EAF2: variants seen among roughly 807,000 people sequenced by gnomAD.
EAF2 encodes ELL associated factor 2.
Under a neutral mutation model 29.4 loss-of-function variants are expected in EAF2, and 29 were observed. That is an observed-to-expected ratio of 0.99 (90% CI 0.73 to 1.35). EAF2 has a LOEUF of 1.35. Among genes scored for constraint, EAF2 ranks in the 40% most tolerant of loss-of-function variants. The probability of loss-of-function intolerance (pLI) is 0.00; values close to 1 mark genes in which losing one functional copy is unlikely to be tolerated. For missense variants in EAF2, 292 were observed against 312.0 expected (o/e 0.94, Z 0.48); for synonymous variants, 103 against 102.5 (o/e 1.00, Z -0.03).
chr3:121,843,972 G>A (rs1442575146), intron 1 of EAF2, among the ~76,000 whole-genome samples: 1 of 152,054 alleles, frequency 6.6e-6, no homozygotes, highest in Non-Finnish European at 1.5e-5. Context: ...TAGAATGACA[G>A]ACAAGTGGTA....
chr3:121,863,678 G>A (rs750921401), intron 4 of EAF2, among the ~76,000 whole-genome samples: 5 of 152,084 alleles, frequency 3.3e-5, no homozygotes, highest in Non-Finnish European at 5.9e-5. Context: ...CCCTGCTTCA[G>A]CTCACACTCT....
chr3:121,849,190 G>A (rs9862127), intron 2 of EAF2, among the ~76,000 whole-genome samples: 2 of 151,942 alleles, frequency 1.3e-5, no homozygotes, highest in Non-Finnish European at 2.9e-5. Flanking sequence ...TGGTATAACT[G>A]CCTAGGAAGC....
At chr3:121,844,360 G>A in intron 1 of EAF2, 93 bp from the exon 2 acceptor site, 1 of 784,092 alleles carries the variant, frequency 1.3e-6, no homozygotes. Context: ...CAAAGCTCTT[G>A]AAAAATGATT....
intron 1 of EAF2, among the ~76,000 whole-genome samples, chr3:121,842,452 G>T (rs1269760101): frequency 6.6e-6 from 1 of 151,990 alleles, no homozygotes; most frequent in South Asian, 2.1e-4. Context: ...TTCTAACTGG[G>T]TTTTGCAGTT....
chr3:121,838,950 T>C (rs1308458711), intron 1 of EAF2, among the ~76,000 whole-genome samples: 1 of 152,232 alleles, frequency 6.6e-6, no homozygotes, highest in African/African-American at 2.4e-5. Flanking sequence ...CTTCATCATT[T>C]ATTGACTTCA....
chr3:121,873,571 A>T (rs555868002), intron 5 of EAF2, among the ~76,000 whole-genome samples: 4 of 151,818 alleles, frequency 2.6e-5, no homozygotes, highest in African/African-American at 7.2e-5. Flanking sequence ...CACTGTAGCC[A>T]TATTGATTTT....
At chr3:121,843,632 C>T (rs563499732) in intron 1 of EAF2, among the ~76,000 whole-genome samples, 7 of 152,124 alleles carry the variant, frequency 4.6e-5, no homozygotes, top group African/African-American at 1.2e-4. Flanking sequence ...GATGTATATT[C>T]GTATGAATTA....
At chr3:121,848,301 A>T (rs1196595946) in intron 2 of EAF2, among the ~76,000 whole-genome samples, 1 of 152,184 alleles carries the variant, frequency 6.6e-6, no homozygotes, top group Non-Finnish European at 1.5e-5. Flanking sequence ...CCATATTTAC[A>T]TTTTGATAGC....
chr3:121,835,348 G>C lies in EAF2; in HGVS notation c.63G>C (p.Glu21Asp). Residue 21 changes from glutamate to aspartate, a missense_variant, in exon 1 of 6, where the codon GAG (glutamate) becomes GAC (aspartate). By Grantham distance (45) the Glu-to-Asp change is conservative. Transcript: ENST00000273668. ...GCGAGCGGGTTCTCAAGTTAGGGGAGAGTTTCGAGAAGCAGCCGCGCTGCG... is the reference window on the plus strand; with the variant it reads ...GCGAGCGGGTTCTCAAGTTAGGGGACAGTTTCGAGAAGCAGCCGCGCTGCG... ...DRRERVLKLG[E>D]SFEKQPRCAF... 1 of 1,614,180 alleles carries C rather than the reference G, an allele frequency of 6.2e-7. No homozygotes were observed. The highest frequency in any genetic ancestry group is 1.3e-5 in the African/African-American group (1 of 75,050).
At chr3:121,840,504 AAAAAG>A (rs1434216275) in intron 1 of EAF2, among the ~76,000 whole-genome samples, 2,169 of 76,010 alleles carry the variant, frequency 0.029, 243 homozygotes, top group African/African-American at 0.087. Context: ...AAAAAAAAAA[AAAAAG>A]AAAAAAAAAA....
At chr3:121,839,734 T>G (rs890670630) in intron 1 of EAF2, among the ~76,000 whole-genome samples, 1 of 152,194 alleles carries the variant, frequency 6.6e-6, no homozygotes, top group African/African-American at 2.4e-5. Flanking sequence ...AAAATAAGTT[T>G]AGAAGTGATT....
At chr3:121,882,743 C>T (rs543324942) in intron 5 of EAF2, among the ~76,000 whole-genome samples, 36 of 149,998 alleles carry the variant, frequency 2.4e-4, no homozygotes, top group Non-Finnish European at 4.7e-4. Flanking sequence ...AAGTAAAGTC[C>T]GTAGTGTTTT....
At chr3:121,852,857 C>T (rs1234495056) in intron 2 of EAF2, among the ~76,000 whole-genome samples, 1 of 151,978 alleles carries the variant, frequency 6.6e-6, no homozygotes, top group Admixed American at 6.5e-5. Context: ...CAAACATACA[C>T]AAATAATTGT....
At chr3:121,863,577 C>T (rs768792593) in intron 4 of EAF2, among the ~76,000 whole-genome samples, 11 of 152,234 alleles carry the variant, frequency 7.2e-5, no homozygotes, top group South Asian at 6.2e-4. Flanking sequence ...GGGAGTGTCA[C>T]GATTTTCCAG....
rs1709285858 is a variant in EAF2, at chr3:121,886,413, A to G, written c.*25A>G. On this transcript the variant is annotated 3_prime_UTR_variant, in exon 6 of 6. Coordinates refer to ENST00000273668, the MANE Select transcript of EAF2 (RefSeq NM_018456.6). ...AAGAAATATTTAGCTATAAATAAAA[A>G]TTTATACAGCATGTATAATTTATTT... is the stretch of plus-strand genomic sequence containing the variant. 1 of 1,349,098 alleles carries G rather than the reference A, an allele frequency of 7.4e-7. No homozygotes were observed. The highest frequency in any genetic ancestry group is 9.9e-7 in the Non-Finnish European group (1 of 1,009,182). 83.6% of individuals were successfully genotyped at this position (1,349,098 alleles called of 1,614,324 possible). A position where few individuals can be genotyped will look rare whatever the true frequency, so the allele number is the denominator to read the frequency against.
chr3:121,845,457 A>G (rs1388804517), intron 2 of EAF2, among the ~76,000 whole-genome samples: 4 of 148,186 alleles, frequency 2.7e-5, no homozygotes, highest in Non-Finnish European at 4.5e-5. Flanking sequence ...AAAAAAAAAA[A>G]AAAAAGAAAG....
intron 4 of EAF2, among the ~76,000 whole-genome samples, chr3:121,863,575 C>T (rs1031249032): frequency 6.6e-6 from 1 of 152,152 alleles, no homozygotes; most frequent in Admixed American, 6.5e-5. Flanking sequence ...GTGGGAGTGT[C>T]ACGATTTTCC....
intron 1 of EAF2, among the ~76,000 whole-genome samples, chr3:121,842,191 A>T (rs1708447391): frequency 2.0e-5 from 3 of 152,084 alleles, no homozygotes; most frequent in African/African-American, 7.2e-5. Context: ...CTCAAAAAAT[A>T]ATAATAATTA....
intron 3 of EAF2, among the ~76,000 whole-genome samples, chr3:121,855,535 C>G (rs1708704260): frequency 6.6e-6 from 1 of 152,108 alleles, no homozygotes; most frequent in Admixed American, 6.6e-5. Flanking sequence ...AGGGAAGGAT[C>G]CTGGGAAACT....
Sources: allele counts gnomAD v4.1 joint callset (sites outside exome capture counted in the v4.1 genomes callset), GRCh38; gene constraint gnomAD v4.1.1; transcripts MANE v1.5; gene names NCBI Gene and HGNC (gene_info 2026-07-23, HGNC 2026-07-21).